FBXL5: variants seen among roughly 807,000 people sequenced by gnomAD.
The protein encoded by FBXL5 is F-box and leucine rich repeat protein 5, also known as F-box/LRR-repeat protein 5.
FBXL5 carries 26 observed loss-of-function variants against 78.3 expected under a neutral mutation model. The ratio of observed to expected loss-of-function variants is 0.33; its 90% CI spans 0.24 to 0.46. The LOEUF is 0.46. Ranked by LOEUF, FBXL5 falls within the 20% of genes least tolerant of loss-of-function variation. The pLI, the probability that FBXL5 is intolerant of heterozygous loss-of-function variation, is 1.00. For synonymous variants in FBXL5, 295 were observed against 282.5 expected (o/e 1.04, Z -0.45); for missense variants, 710 against 829.2 (o/e 0.86, Z 1.77).
chr4:15,657,430 CTGTT>C (rs1577501512), upstream of FBXL5, among the ~76,000 whole-genome samples: 2 of 152,322 alleles, frequency 1.3e-5, no homozygotes, highest in South Asian at 2.1e-4. Flanking sequence ...GTCCAATCAA[CTGTT>C]TGTGTCTGTG....
At chr4:15,655,423 G>GGCGGGGAC (rs1560243591), upstream of FBXL5, 3 of 995,930 alleles carry the variant, frequency 3.0e-6, no homozygotes, top group Non-Finnish European at 3.6e-6. Flanking sequence ...CGGCTTGGCC[G>GGCGGGGAC]GCGGGGACGC....
chr4:15,669,208 C>G (rs1717664462), intron 1 of FBXL5, among the ~76,000 whole-genome samples: 2 of 152,170 alleles, frequency 1.3e-5, no homozygotes, highest in Admixed American at 6.5e-5. Flanking sequence ...AACCCAGATA[C>G]AAACTACATA....
At position 15,638,386 on chromosome 4, in the gene FBXL5, T is replaced by A. The variant is rs1424304001; in HGVS notation, c.583+122A>T. ...TAAATTGATACATGAAAATAATGCC[T>A]TTAACTGACCACAGTGCAGGCCTAA... On this transcript the variant is annotated intron_variant, in intron 4 of 10. Transcript: ENST00000341285. 7 of 561,370 alleles carry A rather than the reference T, an allele frequency of 1.2e-5. No homozygotes were observed. The East Asian group carries it at 2.3e-4, about 18-fold the overall frequency. The allele number at this position is 561,370 out of a possible 1,614,324, so 34.8% of individuals were successfully genotyped here.
intron 9 of FBXL5, among the ~76,000 whole-genome samples, chr4:15,619,399 A>G (rs893496398): frequency 6.6e-6 from 1 of 152,218 alleles, no homozygotes; most frequent in Non-Finnish European, 1.5e-5. Flanking sequence ...AAAATCAACC[A>G]ACAAATCACA....
chr4:15,655,619 G>T (rs953766102), upstream of FBXL5, among the ~76,000 whole-genome samples: 2 of 152,200 alleles, frequency 1.3e-5, no homozygotes, highest in African/African-American at 4.8e-5. Flanking sequence ...TGAGGGTAGG[G>T]GAAAGTCGTT....
At chr4:15,614,974 G>C (rs1266740241) in intron 9 of FBXL5, among the ~76,000 whole-genome samples, 1 of 152,154 alleles carries the variant, frequency 6.6e-6, no homozygotes, top group South Asian at 2.1e-4. Flanking sequence ...TGGAGTTCCG[G>C]GTGGGCGTGG....
In FBXL5 at chr4:15,652,877, T is replaced by G. The variant is rs75289309; in HGVS notation, c.84+2327A>C. ...AACTAGTTCTCATTTTATATAGTTTTATTGTAAACTGTTTGGTTGGATATC... is the reference window on the plus strand; with the variant it reads ...AACTAGTTCTCATTTTATATAGTTTGATTGTAAACTGTTTGGTTGGATATC... On this transcript the variant is annotated intron_variant, in intron 1 of 10. Coordinates refer to ENST00000341285, the MANE Select transcript of FBXL5 (RefSeq NM_012161.4). 6.1e-3 allele frequency among the ~76,000 whole-genome samples: 878 copies of G among 143,332 alleles called. 11 individuals carry two copies. Among genetic ancestry groups the G allele is most frequent in the African/African-American group, 0.022 (840 of 38,268 alleles). 94.0% of individuals were successfully genotyped at this position (143,332 alleles called of 152,430 possible).
intron 1 of FBXL5, among the ~76,000 whole-genome samples, chr4:15,665,649 C>T (rs1340439901): frequency 6.6e-6 from 1 of 152,110 alleles, no homozygotes; most frequent in East Asian, 1.9e-4. Context: ...AGAGCCCCGA[C>T]ATGTTTTTAA....
chr4:15,615,801 C>T (rs375358888), intron 9 of FBXL5, among the ~76,000 whole-genome samples: 12 of 152,140 alleles, frequency 7.9e-5, no homozygotes, highest in Middle Eastern at 3.4e-3. Context: ...CTTGGCTCTA[C>T]CAATCAGCAG....
chr4:15,625,720 T>A lies in FBXL5; in HGVS notation c.1382A>T (p.Asn461Ile). Residue 461 changes from asparagine (N) to isoleucine (I), a missense_variant, in exon 9 of 11, where the codon AAT becomes ATT. Physicochemically the swap from Asn to Ile is moderately radical, Grantham distance 149. Coordinates refer to ENST00000341285, the MANE Select transcript of FBXL5 (RefSeq NM_012161.4). ...TNKGIGEEID[N>I]EHPWTKPVSS... ...AACAGGCTTAGTCCAGGGGTGTTCA[T>A]TATCTATTTCTTCTCCAATGCCCTT... 6.2e-7 allele frequency: 1 copy of A among 1,614,230 alleles called. No individual in the cohort carries two copies. The highest frequency in any genetic ancestry group is 8.5e-7 in the Non-Finnish European group (1 of 1,180,028).
chr4:15,663,542 A>G (rs1020171129), upstream of FBXL5, among the ~76,000 whole-genome samples: 1 of 152,204 alleles, frequency 6.6e-6, no homozygotes, highest in African/African-American at 2.4e-5. Flanking sequence ...CCTTCTGGGA[A>G]TGAGGACTTT....
chr4:15,640,986 A>G (rs1714809936), intron 2 of FBXL5, 103 bp from the exon 3 acceptor site: 1 of 552,080 alleles, frequency 1.8e-6, no homozygotes, highest in Non-Finnish European at 3.1e-6. Flanking sequence ...CGGGGAAAAA[A>G]AAATAGACAA....
chr4:15,621,124 C>A (rs1042999038), intron 9 of FBXL5, among the ~76,000 whole-genome samples: 1 of 152,076 alleles, frequency 6.6e-6, no homozygotes, highest in Non-Finnish European at 1.5e-5. Context: ...AGGGTCTCCC[C>A]GACCGAGCTG....
chr4:15,648,553 A>T (rs1715607323), intron 1 of FBXL5, among the ~76,000 whole-genome samples: 1 of 152,228 alleles, frequency 6.6e-6, no homozygotes, highest in Non-Finnish European at 1.5e-5. Flanking sequence ...ATAAAAAAGG[A>T]AATCCTGTCA....
chr4:15,669,285 G>A (rs1717666852), intron 1 of FBXL5, among the ~76,000 whole-genome samples: 1 of 152,178 alleles, frequency 6.6e-6, no homozygotes, highest in South Asian at 2.1e-4. Flanking sequence ...CTTTACTGTA[G>A]GCAATTGTAA....
At chr4:15,652,407 C>A (rs1716192491) in intron 1 of FBXL5, among the ~76,000 whole-genome samples, 2 of 152,152 alleles carry the variant, frequency 1.3e-5, no homozygotes, top group South Asian at 4.1e-4. Flanking sequence ...AAGTCCCCAG[C>A]TATAAAACAG....
intron 10 of FBXL5, among the ~76,000 whole-genome samples, chr4:15,609,167 C>T (rs1722076140): frequency 6.6e-6 from 1 of 152,072 alleles, no homozygotes; most frequent in Non-Finnish European, 1.5e-5. Flanking sequence ...AAATATTTGA[C>T]TTATCACCAG....
intron 2 of FBXL5, among the ~76,000 whole-genome samples, 153 bp from the exon 3 acceptor site, chr4:15,641,036 C>A (rs541839383): frequency 1.3e-5 from 2 of 151,860 alleles, no homozygotes; most frequent in East Asian, 3.9e-4. Context: ...TAAAAGATAC[C>A]CATAAAACAG....
chr4:15,631,500 T>A (rs1416594480), intron 5 of FBXL5, among the ~76,000 whole-genome samples: 1 of 152,234 alleles, frequency 6.6e-6, no homozygotes, highest in Non-Finnish European at 1.5e-5. Context: ...CACACTGTCT[T>A]CCACAATGGC....
Sources: gnomAD v4.1 joint callset for allele counts (sites outside exome capture counted in the v4.1 genomes callset) on GRCh38, gnomAD v4.1.1 for gene constraint, MANE v1.5 for transcripts, NCBI Gene and HGNC (gene_info 2026-07-23, HGNC 2026-07-21) for gene names.